DYNC1I1: variants seen among roughly 807,000 people sequenced by gnomAD.
DYNC1I1 encodes cytoplasmic dynein 1 intermediate chain 1.
A neutral mutation model predicts 86.6 loss-of-function variants in DYNC1I1; 43 were observed. The observed-to-expected ratio is 0.50, with a 90% confidence interval of 0.39 to 0.64. DYNC1I1 has a LOEUF of 0.64. Among genes scored for constraint, DYNC1I1 ranks in the 30% least tolerant of loss-of-function variants. DYNC1I1 has a pLI of 0.00. For synonymous variants in DYNC1I1, 262 were observed against 283.7 expected (o/e 0.92, Z 0.77); for missense variants, 604 against 788.8 (o/e 0.77, Z 2.81).
At chr7:95,914,585 A>C (rs1791421606) in intron 6 of DYNC1I1, among the ~76,000 whole-genome samples, 3 of 152,242 alleles carry the variant, frequency 2.0e-5, no homozygotes, top group Admixed American at 2.0e-4. Context: ...CTGCAAGATG[A>C]GAATAATAAT....
At chr7:95,956,501 T>C (rs1053007743) in intron 6 of DYNC1I1, among the ~76,000 whole-genome samples, 4 of 151,950 alleles carry the variant, frequency 2.6e-5, no homozygotes, top group African/African-American at 9.7e-5. Flanking sequence ...GTCATCTACA[T>C]TAGTTATTTC....
At chr7:95,973,220 G>A (rs1793218828) in intron 6 of DYNC1I1, among the ~76,000 whole-genome samples, 1 of 152,166 alleles carries the variant, frequency 6.6e-6, no homozygotes, top group African/African-American at 2.4e-5. Context: ...AATTCCAACT[G>A]CACCAGAAAG....
intron 3 of DYNC1I1, among the ~76,000 whole-genome samples, chr7:95,811,447 G>A (rs925929941): frequency 6.6e-6 from 1 of 151,600 alleles, no homozygotes; most frequent in Non-Finnish European, 1.5e-5. Flanking sequence ...TATTTCCATA[G>A]TTAGTTAAAC....
At chr7:96,047,543 T>A (rs1351995403) in intron 14 of DYNC1I1, among the ~76,000 whole-genome samples, 1 of 151,848 alleles carries the variant, frequency 6.6e-6, no homozygotes, top group Non-Finnish European at 1.5e-5. Flanking sequence ...AAGAAGAGGG[T>A]CACGTGGACC....
At chr7:95,927,734 A>T (rs1791783261) in intron 6 of DYNC1I1, among the ~76,000 whole-genome samples, 1 of 152,188 alleles carries the variant, frequency 6.6e-6, no homozygotes, top group South Asian at 2.1e-4. Flanking sequence ...TCTAACCGTT[A>T]GTTTGAAATC....
At chr7:95,974,837 T>C (rs989382059) in intron 6 of DYNC1I1, among the ~76,000 whole-genome samples, 5 of 152,192 alleles carry the variant, frequency 3.3e-5, no homozygotes, top group Admixed American at 1.3e-4. Flanking sequence ...GAACAATCCA[T>C]GTTGAGGCCA....
At chr7:96,065,374 C>CTTT (rs759672255) in intron 14 of DYNC1I1, among the ~76,000 whole-genome samples, 2 of 137,342 alleles carry the variant, frequency 1.5e-5, no homozygotes, top group Non-Finnish European at 3.1e-5. Context: ...TTTTTTCTTT[C>CTTT]TTTCTTTTTT....
chr7:95,805,400 G>T (rs570344118), intron 2 of DYNC1I1, among the ~76,000 whole-genome samples: 10 of 152,054 alleles, frequency 6.6e-5, no homozygotes, highest in Non-Finnish European at 7.4e-5. Flanking sequence ...TTTGGTAAGG[G>T]GGAGGCTGTT....
At chr7:95,987,195 T>TTC in intron 9 of DYNC1I1, 40 bp downstream of exon 9, 1 of 1,524,420 alleles carries the variant, frequency 6.6e-7, no homozygotes, top group Non-Finnish European at 9.1e-7. Context: ...TGGGCTTGTG[T>TTC]TCTCGTGGCA....
intron 6 of DYNC1I1, among the ~76,000 whole-genome samples, chr7:95,930,916 T>C (rs1197694824): frequency 6.6e-6 from 1 of 152,172 alleles, no homozygotes; most frequent in Non-Finnish European, 1.5e-5. Context: ...GCTCTGTAGG[T>C]TCTAGGCTAC....
chr7:95,963,750 C>A (rs13237676), intron 6 of DYNC1I1, among the ~76,000 whole-genome samples: 16,526 of 152,186 alleles, frequency 0.11, 1,203 homozygotes, highest in Non-Finnish European at 0.17. Flanking sequence ...AGTTTATTCT[C>A]TAGAGATTCA....
chr7:96,029,099 T>G (rs908722454), intron 11 of DYNC1I1, among the ~76,000 whole-genome samples: 33 of 152,170 alleles, frequency 2.2e-4, no homozygotes, highest in Non-Finnish European at 5.9e-5. Flanking sequence ...CTTGCTGCAT[T>G]TGTTTCATAT....
chr7:95,783,358 A>G lies in DYNC1I1; in HGVS notation c.-10+10585A>G, dbSNP rs181843172. Among the ~76,000 whole-genome samples, 280 of 152,362 alleles carry G rather than the reference A, an allele frequency of 1.8e-3. 2 individuals are homozygous for G. The highest frequency in any genetic ancestry group is 1.0e-3 in the Non-Finnish European group (68 of 68,034). On this transcript the variant is annotated intron_variant, in intron 1 of 16. Coordinates refer to ENST00000447467, the MANE Select transcript of DYNC1I1 (RefSeq NM_001135556.2). ...CGTAGTTGTTCAATTCTAGTCAAGA[A>G]TATTCATTTAGAACTTATGGAATGC...
intron 13 of DYNC1I1, 141 bp from the exon 14 acceptor site, chr7:96,039,136 A>G (rs897258386): frequency 1.1e-6 from 1 of 913,564 alleles, no homozygotes; most frequent in Admixed American, 2.8e-5. Context: ...ATAACTGTAA[A>G]AATGATTTCA....
intron 7 of DYNC1I1, among the ~76,000 whole-genome samples, chr7:95,982,348 T>C (rs1401386349): frequency 2.0e-5 from 3 of 152,198 alleles, no homozygotes; most frequent in Non-Finnish European, 2.9e-5. Context: ...AAATATTGTA[T>C]TGTCAATCAT....
intron 1 of DYNC1I1, among the ~76,000 whole-genome samples, chr7:95,789,597 G>GGTTC (rs1794239619): frequency 6.6e-6 from 1 of 152,104 alleles, no homozygotes; most frequent in Non-Finnish European, 1.5e-5. Flanking sequence ...ATACATTACA[G>GGTTC]GTTCCATGTA....
At chr7:95,963,222 C>T (rs1385876581) in intron 6 of DYNC1I1, among the ~76,000 whole-genome samples, 1 of 152,178 alleles carries the variant, frequency 6.6e-6, no homozygotes, top group East Asian at 1.9e-4. Flanking sequence ...CTTGTCCTAT[C>T]TCCACCACTT....
At chr7:96,013,223 G>A (rs1794319778) in intron 10 of DYNC1I1, among the ~76,000 whole-genome samples, 1 of 152,130 alleles carries the variant, frequency 6.6e-6, no homozygotes, top group Non-Finnish European at 1.5e-5. Context: ...ATGTGAGAGA[G>A]AGACTTGACC....
chr7:96,035,443 G>C (rs899017537), intron 12 of DYNC1I1, among the ~76,000 whole-genome samples, 176 bp from the exon 13 acceptor site: 37 of 152,120 alleles, frequency 2.4e-4, no homozygotes, highest in Non-Finnish European at 4.0e-4. Context: ...TGAAACCAGA[G>C]ATCCACAGAA....
Sources: allele counts gnomAD v4.1 joint callset (sites outside exome capture counted in the v4.1 genomes callset), GRCh38; gene constraint gnomAD v4.1.1; transcripts MANE v1.5; gene names NCBI Gene and HGNC (gene_info 2026-07-23, HGNC 2026-07-21).